The following SEC14L1 variants were observed in gnomAD, a reference collection of about 807,000 sequenced individuals.
SEC14L1 encodes SEC14-like protein 1.
SEC14L1 carries 48 observed loss-of-function variants against 85.3 expected under a neutral mutation model. The observed-to-expected ratio is 0.56, with a 90% CI of 0.45 to 0.72. The LOEUF is 0.72. Among genes scored for constraint, SEC14L1 ranks in the 30% least tolerant of loss-of-function variants. The pLI is 0.00. For missense variants in SEC14L1, 682 were observed against 921.4 expected (o/e 0.74, Z 3.36); for synonymous variants, 391 against 355.5 (o/e 1.10, Z -1.12).
chr17:77,123,152 C>T (rs749245338), intron 3 of SEC14L1, among the ~76,000 whole-genome samples: 27 of 151,578 alleles, frequency 1.8e-4, no homozygotes, highest in Non-Finnish European at 2.8e-4. Context: ...CTGCTTCAAG[C>T]GATCCTTCTG....
At chr17:77,121,560 T>C (rs1252316624) in intron 3 of SEC14L1, among the ~76,000 whole-genome samples, 2 of 152,170 alleles carry the variant, frequency 1.3e-5, no homozygotes, top group African/African-American at 4.8e-5. Flanking sequence ...GGTTTCACCA[T>C]GTTGGCCAGG....
rs1030931090 is a variant in SEC14L1, at chr17:77,214,247, T to C, written c.*224T>C. On this transcript the variant is annotated 3_prime_UTR_variant, in exon 17 of 17. Transcript: ENST00000436233. ...CAATAGCCATAGATTTTGTATACGTTGTGCACAAAATCCAACCAGAGCGCA... is the reference window on the plus strand; with the variant it reads ...CAATAGCCATAGATTTTGTATACGTCGTGCACAAAATCCAACCAGAGCGCA... 12 of 1,352,406 alleles carry C rather than the reference T, an allele frequency of 8.9e-6. No homozygotes were observed. The highest frequency in any genetic ancestry group is 5.6e-4 in the Middle Eastern group (2 of 3,596). The allele number at this position is 1,352,406 out of a possible 1,614,324, so 83.8% of individuals were successfully genotyped here. A position where few individuals can be genotyped will look rare whatever the true frequency, so the allele number is the denominator to read the frequency against.
chr17:77,152,397 G>A (rs1055662206), intron 3 of SEC14L1, among the ~76,000 whole-genome samples: 7 of 152,206 alleles, frequency 4.6e-5, no homozygotes, highest in South Asian at 2.1e-4. Flanking sequence ...TCAGCCGGGC[G>A]TGGTGGCAGG....
rs1391030641 is a variant in SEC14L1 at position 77,200,687 on chromosome 17, T to A, written c.1009+14T>A. ...ATCACGACAAAGGTACCGGATGGAG[T>A]TGAAACTGTGTTTCCATCGTTGTCT... On this transcript the variant is annotated intron_variant, in intron 9 of 16. Coordinates refer to ENST00000436233, the MANE Select transcript of SEC14L1 (RefSeq NM_001143998.2). The A allele has an allele frequency of 1.2e-6, 2 of 1,603,462 alleles. No individual in the cohort carries two copies. The highest frequency in any genetic ancestry group is 4.5e-5 in the East Asian group (2 of 44,604).
rs371579363 is a variant in SEC14L1 at position 77,202,534 on chromosome 17, G to A, written c.1010-1036G>A. ...TTCGGGAGGCTGAGGCAGGAGAATC[G>A]CTTGAACCTGGGAGGCGGAGGTTGC... On this transcript the variant is annotated intron_variant, in intron 9 of 16. Coordinates refer to ENST00000436233, the MANE Select transcript of SEC14L1 (RefSeq NM_001143998.2). Among the ~76,000 whole-genome samples the A allele has an allele frequency of 1.3e-4, 20 of 152,278 alleles. No individual in the cohort carries two copies. In the South Asian group the frequency reaches 1.5e-3, roughly 11 times the overall value.
intron 3 of SEC14L1, among the ~76,000 whole-genome samples, chr17:77,097,442 T>C (rs1971673509): frequency 6.6e-6 from 1 of 152,190 alleles, no homozygotes; most frequent in African/African-American, 2.4e-5. Flanking sequence ...CGCACGCCTG[T>C]AATCCCAACT....
Position 77,143,639 on chromosome 17 carries a change from C to G in SEC14L1, c.43C>G (p.Pro15Ala). 2 of 1,611,996 alleles carry G rather than the reference C, an allele frequency of 1.2e-6. No individual in the cohort carries two copies. The highest frequency in any genetic ancestry group is 1.1e-5 in the South Asian group (1 of 90,818). Residue 15 changes from proline to alanine, a missense_variant, in exon 3 of 17, where the codon CCC (proline) becomes GCC (alanine). Transcript: ENST00000436233. Reference protein sequence around the residue: ...YQSPVRVYKYPFELIMAAYER... With the variant: ...YQSPVRVYKYAFELIMAAYER... ...GTCCCCAGTGAGGGTGTACAAATACCCCTTTGAATTAATTATGGCTGTAAG... is the reference window on the plus strand; with the variant it reads ...GTCCCCAGTGAGGGTGTACAAATACGCCTTTGAATTAATTATGGCTGTAAG...
chr17:77,180,661 C>G (rs543591642), intron 3 of SEC14L1, among the ~76,000 whole-genome samples: 2 of 152,270 alleles, frequency 1.3e-5, no homozygotes, highest in Admixed American at 1.3e-4. Context: ...ACTTCTTTCC[C>G]TAGTTAATGT....
chr17:77,204,522 C>CA (rs1555628453), intron 10 of SEC14L1, among the ~76,000 whole-genome samples: 5,161 of 84,866 alleles, frequency 0.061, 241 homozygotes, highest in Admixed American at 0.16. Context: ...GCCCAGCCAG[C>CA]TTTTTTTTTT....
chr17:77,190,496 G>C (rs1016844880), intron 3 of SEC14L1, among the ~76,000 whole-genome samples: 2 of 152,016 alleles, frequency 1.3e-5, no homozygotes, highest in African/African-American at 4.8e-5. Flanking sequence ...AGTTGTTCTA[G>C]TTCCTTTGTC....
intron 3 of SEC14L1, among the ~76,000 whole-genome samples, chr17:77,114,263 G>A (rs1461407412): frequency 1.3e-5 from 2 of 151,556 alleles, no homozygotes; most frequent in African/African-American, 4.9e-5. Context: ...GGTGGCTCAC[G>A]CCTGTAATCC....
chr17:77,097,997 C>A (rs1049233555), intron 3 of SEC14L1, among the ~76,000 whole-genome samples: 46 of 152,024 alleles, frequency 3.0e-4, no homozygotes, highest in African/African-American at 1.1e-3. Context: ...AGCACCCCAG[C>A]AGGGGAGGCA....
intron 3 of SEC14L1, among the ~76,000 whole-genome samples, chr17:77,164,227 C>T (rs1201373196): frequency 6.6e-6 from 1 of 152,208 alleles, no homozygotes; most frequent in Non-Finnish European, 1.5e-5. Context: ...CGCCTGTGCC[C>T]ACCTGGAGGC....
chr17:77,194,892 C>T lies in SEC14L1; in HGVS notation c.690C>T (p.Pro230=), dbSNP rs138582657. ...DALSSPSAPE[P]VVGTPDDKLD... ...TCAGCAGCCCCAGCGCACCTGAGCC[C>T]GTGGTGGGCACCCCTGACGGTGGGT... Residue 230 remains proline, a synonymous_variant, in exon 7 of 17, where the codon CCC becomes CCT. Transcript: ENST00000436233. 3.6e-5 allele frequency: 58 copies of T among 1,613,966 alleles called. No individual in the cohort carries two copies. In the African/African-American group the frequency reaches 4.0e-4, roughly 11 times the overall value.
intron 3 of SEC14L1, among the ~76,000 whole-genome samples, chr17:77,131,268 A>G (rs954021061): frequency 3.9e-5 from 6 of 152,048 alleles, no homozygotes; most frequent in African/African-American, 1.4e-4. Flanking sequence ...GCTTTTTTGT[A>G]GTGGATCTCT....
chr17:77,180,307 T>G (rs1598354349), intron 3 of SEC14L1, among the ~76,000 whole-genome samples: 1 of 151,946 alleles, frequency 6.6e-6, no homozygotes, highest in African/African-American at 2.4e-5. Flanking sequence ...GCCAGGCTGG[T>G]CTCTTAACTC....
At position 77,216,602 on chromosome 17, in the gene SEC14L1, G is replaced by T; in HGVS notation, c.*2579G>T. 1 of 1,613,294 alleles carries T rather than the reference G, an allele frequency of 6.2e-7. No homozygotes were observed. Among genetic ancestry groups the T allele is most frequent in the Non-Finnish European group, 8.5e-7 (1 of 1,179,442 alleles). ...AAATGCTTCACTCAACAGTCCTCATGTGCCCAGAGATGTTTATAGAACTGT... is the reference window on the plus strand; with the variant it reads ...AAATGCTTCACTCAACAGTCCTCATTTGCCCAGAGATGTTTATAGAACTGT... On this transcript the variant is annotated 3_prime_UTR_variant, in exon 17 of 17. Coordinates refer to ENST00000436233, the MANE Select transcript of SEC14L1 (RefSeq NM_001143998.2).
upstream of SEC14L1, among the ~76,000 whole-genome samples, chr17:77,139,423 A>G (rs1057245013): frequency 6.6e-6 from 1 of 151,296 alleles, no homozygotes; most frequent in Non-Finnish European, 1.5e-5. Flanking sequence ...CCACCCACCT[A>G]GGTCTCCCAG....
chr17:77,104,399 G>A (rs1401819795), intron 3 of SEC14L1, among the ~76,000 whole-genome samples: 7 of 146,262 alleles, frequency 4.8e-5, no homozygotes, highest in African/African-American at 1.8e-4. Context: ...GGGATTACAG[G>A]CGTGAGCCAC....
Sources: gnomAD v4.1 joint callset for allele counts (sites outside exome capture counted in the v4.1 genomes callset) on GRCh38, gnomAD v4.1.1 for gene constraint, MANE v1.5 for transcripts, NCBI Gene and HGNC (gene_info 2026-07-23, HGNC 2026-07-21) for gene names.